Variants in UNC5D observed in about 807,000 individuals in gnomAD.
UNC5D encodes the protein netrin receptor UNC5D.
Under a neutral mutation model 105.4 loss-of-function variants are expected in UNC5D, and 39 were observed. That is an observed-to-expected ratio of 0.37 (90% CI 0.29 to 0.48). UNC5D has a LOEUF of 0.48. Ranked by LOEUF, UNC5D falls within the 20% of genes least tolerant of loss-of-function variation. The pLI, the probability that UNC5D is intolerant of heterozygous loss-of-function variation, is 0.98. For synonymous variants in UNC5D, 452 were observed against 450.4 expected, an observed-to-expected ratio of 1.00 and a Z score of -0.04; for missense variants, 991 against 1,202.4, an observed-to-expected ratio of 0.82 and a Z score of 2.60.
intron 4 of UNC5D, among the ~76,000 whole-genome samples, chr8:35,668,856 T>A (rs958685007): frequency 6.6e-6 from 1 of 152,140 alleles, no homozygotes; most frequent in Non-Finnish European, 1.5e-5. Context: ...CACTTTTTAC[T>A]ACAGTGATAA....
At chr8:35,690,528 C>T (rs1347957461) in intron 7 of UNC5D, among the ~76,000 whole-genome samples, 1 of 152,168 alleles carries the variant, frequency 6.6e-6, no homozygotes, top group Non-Finnish European at 1.5e-5. Flanking sequence ...GTCCCAGCTG[C>T]TCTGGAAGCT....
intron 1 of UNC5D, among the ~76,000 whole-genome samples, chr8:35,519,089 A>C (rs996749046): frequency 2.0e-5 from 3 of 152,150 alleles, no homozygotes; most frequent in Non-Finnish European, 4.4e-5. Context: ...ACGATGATTT[A>C]AAGTACTTTT....
intron 1 of UNC5D, among the ~76,000 whole-genome samples, chr8:35,270,958 G>A (rs998793329): frequency 2.0e-5 from 3 of 151,682 alleles, no homozygotes; most frequent in Admixed American, 2.0e-4. Flanking sequence ...ATATTACTAT[G>A]TTACTGGGGT....
At chr8:35,519,248 C>T (rs569091177) in intron 1 of UNC5D, among the ~76,000 whole-genome samples, 23 of 152,100 alleles carry the variant, frequency 1.5e-4, no homozygotes, top group Non-Finnish European at 3.1e-4. Flanking sequence ...ATAATATGAT[C>T]TTATAATGGT....
At chr8:35,558,322 G>C (rs1816703059) in intron 2 of UNC5D, among the ~76,000 whole-genome samples, 1 of 151,832 alleles carries the variant, frequency 6.6e-6, no homozygotes, top group African/African-American at 2.4e-5. Flanking sequence ...TATGGTAGGG[G>C]ACCTGTGGCA....
intron 1 of UNC5D, among the ~76,000 whole-genome samples, chr8:35,308,192 A>G (rs1029023803): frequency 6.6e-6 from 1 of 151,306 alleles, no homozygotes; most frequent in Non-Finnish European, 1.5e-5. Flanking sequence ...CTTTATTTTA[A>G]CACATGATAT....
intron 1 of UNC5D, among the ~76,000 whole-genome samples, chr8:35,422,856 CG>C (rs969737799): frequency 3.6e-4 from 55 of 152,112 alleles, no homozygotes; most frequent in African/African-American, 1.3e-3. Flanking sequence ...CCTCAAAGCC[CG>C]TGCTCCCCCT....
At chr8:35,410,231 C>T (rs1388709911) in intron 1 of UNC5D, among the ~76,000 whole-genome samples, 1 of 151,900 alleles carries the variant, frequency 6.6e-6, no homozygotes, top group Non-Finnish European at 1.5e-5. Flanking sequence ...AACAAAGATA[C>T]TACTAATTTT....
intron 16 of UNC5D, among the ~76,000 whole-genome samples, chr8:35,789,173 A>G (rs12114773): frequency 0.038 from 3,457 of 92,016 alleles, 245 homozygotes; most frequent in African/African-American, 0.15. Context: ...ATATATATAT[A>G]TATATATATA....
intron 7 of UNC5D, among the ~76,000 whole-genome samples, chr8:35,691,809 A>T (rs1826417996): frequency 6.6e-6 from 1 of 152,180 alleles, no homozygotes; most frequent in African/African-American, 2.4e-5. Context: ...TGCCTCATTG[A>T]CAGGAAGAGA....
chr8:35,569,829 A>G (rs1235686731), intron 3 of UNC5D, among the ~76,000 whole-genome samples: 7 of 152,188 alleles, frequency 4.6e-5, no homozygotes, highest in Admixed American at 4.6e-4. Flanking sequence ...CTCTATCTGC[A>G]AAACAGCAGA....
chr8:35,446,035 G>T (rs1262700534), intron 1 of UNC5D, among the ~76,000 whole-genome samples: 2 of 151,494 alleles, frequency 1.3e-5, no homozygotes, highest in African/African-American at 2.4e-5. Context: ...TAGGTTTTTG[G>T]GGAACAGGTA....
In UNC5D at chr8:35,261,504, G is replaced by A. The variant is rs565530329; in HGVS notation, c.103+25617G>A. ...CATGTGGCATAAATAGAATCCAAAAGGTAAACAGCAGTTTATTATGCTAGA... is the reference window on the plus strand; with the variant it reads ...CATGTGGCATAAATAGAATCCAAAAAGTAAACAGCAGTTTATTATGCTAGA... On this transcript the variant is annotated intron_variant, in intron 1 of 16. Transcript: ENST00000404895. Among the ~76,000 whole-genome samples the A allele has an allele frequency of 6.1e-4, 93 of 152,206 alleles. 1 individual carries two copies. Among genetic ancestry groups the A allele is most frequent in the African/African-American group, 2.1e-3 (89 of 41,530 alleles).
rs1830236344 is a variant in UNC5D, at chr8:35,750,694, T to C, written c.2048T>C (p.Ile683Thr). ...ACCTATGCGCTCACTGGAGAGCCAA[T>C]CACAGACTGTGCCGTGAAGCAACTG... The part of the protein sequence containing the change: ...FGTYALTGEP[I>T]TDCAVKQLKV... The change falls in exon 13 of 17, where the codon ATC becomes ACC. Residue 683 changes from isoleucine (I) to threonine (T), a missense_variant. Ile to Thr is a moderately conservative substitution (Grantham distance 89). Around this residue, in one of 3 missense-constraint regions of UNC5D, gnomAD observed 944 missense variants for 1,131.6 expected, o/e 0.83. Transcript: ENST00000404895. 6.2e-7 allele frequency: 1 copy of C among 1,614,144 alleles called. No individual in the cohort carries two copies.
intron 1 of UNC5D, among the ~76,000 whole-genome samples, chr8:35,413,680 TACTC>T: frequency 6.6e-6 from 1 of 152,214 alleles, no homozygotes; most frequent in East Asian, 1.9e-4. Context: ...AAGCCCTGAC[TACTC>T]ACTCCAAATT....
chr8:35,298,586 G>GTTTTTTTTT (rs35299004), intron 1 of UNC5D, among the ~76,000 whole-genome samples: 4 of 110,534 alleles, frequency 3.6e-5, no homozygotes, highest in Admixed American at 1.1e-4. Context: ...ATTGTTGTAG[G>GTTTTTTTTT]TTTTTTTTTT....
Position 35,563,566 on chromosome 8 carries a change from A to G in UNC5D, c.323-4532A>G, listed in dbSNP as rs553581331. Among the ~76,000 whole-genome samples the G allele has an allele frequency of 9.9e-5, 15 of 152,062 alleles. 1 individual carries two copies. In the South Asian group the frequency reaches 3.1e-3, roughly 32 times the overall value. On this transcript the variant is annotated intron_variant, in intron 2 of 16. Coordinates refer to ENST00000404895, the MANE Select transcript of UNC5D (RefSeq NM_080872.4). ...TATAAGATCAAGTCATCTACAAACA[A>G]GGCTAATTTGACTTTTTCCTCTCCA...
At chr8:35,765,138 C>T (rs553173854) in intron 14 of UNC5D, among the ~76,000 whole-genome samples, 2 of 152,232 alleles carry the variant, frequency 1.3e-5, no homozygotes, top group African/African-American at 2.4e-5. Flanking sequence ...GCCTTTGGGT[C>T]TGCCTGCTGA....
chr8:35,709,608 T>C (rs1293476558), intron 8 of UNC5D, among the ~76,000 whole-genome samples: 1 of 152,164 alleles, frequency 6.6e-6, no homozygotes, highest in Non-Finnish European at 1.5e-5. Flanking sequence ...GAGAATCACT[T>C]GAAGCCGGGA....
Sources: allele counts gnomAD v4.1 joint callset (sites outside exome capture counted in the v4.1 genomes callset), GRCh38; gene constraint gnomAD v4.1.1; regional missense constraint gnomAD v4.1.1; transcripts MANE v1.5; gene names NCBI Gene and HGNC (gene_info 2026-07-23, HGNC 2026-07-21).